Variants in TENM3 observed in about 807,000 individuals in gnomAD.
TENM3 encodes the protein teneurin transmembrane protein 3, also known as teneurin-3.
TENM3 carries 63 observed loss-of-function variants against 255.1 expected under a neutral mutation model. The observed-to-expected ratio is 0.25, with a 90% confidence interval of 0.20 to 0.30. TENM3 has a LOEUF of 0.30. TENM3 is among the 10% of genes least tolerant of loss of function. The probability of loss-of-function intolerance (pLI) is 1.00; values close to 1 mark genes in which losing one functional copy is unlikely to be tolerated. For missense variants in TENM3, 2,929 were observed against 3,461.1 expected (o/e 0.85, Z 3.86); for synonymous variants, 1,306 against 1,322.3 (o/e 0.99, Z 0.27).
intron 3 of TENM3, among the ~76,000 whole-genome samples, chr4:182,567,540 T>C (rs561490813): frequency 4.5e-4 from 68 of 152,232 alleles, no homozygotes; most frequent in African/African-American, 1.6e-3. Flanking sequence ...CTGAACCTCC[T>C]CTCCTACTTC....
At chr4:182,153,137 A>G (rs906492913) in intron 1 of TENM3, among the ~76,000 whole-genome samples, 6 of 152,032 alleles carry the variant, frequency 3.9e-5, no homozygotes, top group Non-Finnish European at 7.4e-5. Flanking sequence ...AAATATTAGT[A>G]ATCAAAACAT....
chr4:182,769,831 G>A (rs895842748), intron 22 of TENM3, among the ~76,000 whole-genome samples: 3 of 152,034 alleles, frequency 2.0e-5, no homozygotes, highest in South Asian at 2.1e-4. Flanking sequence ...TTGGCCGGGC[G>A]TGGTGGCTCA....
At position 182,793,278 on chromosome 4, in the gene TENM3, G is replaced by A. The variant is rs140050384; in HGVS notation, c.6606G>A (p.Thr2202=). ...ATGGTTTCCTACGTCAAAGGGGCACGGAAATCTTTGAATATAGCTCCAAGG... is the reference window on the plus strand; with the variant it reads ...ATGGTTTCCTACGTCAAAGGGGCACAGAAATCTTTGAATATAGCTCCAAGG... ...DEDGFLRQRG[T]EIFEYSSKGL... is the part of the protein sequence containing the mutation. The change falls in exon 26 of 28, where the codon ACG becomes ACA. Residue 2202 remains threonine, a synonymous_variant. Coordinates refer to ENST00000511685, the MANE Select transcript of TENM3 (RefSeq NM_001080477.4). This position sits in a 1 kb window ranked among gnomAD's most constrained non-coding sequence, Gnocchi z 5.7. 22 of 1,613,866 alleles carry A rather than the reference G, an allele frequency of 1.4e-5. No individual in the cohort carries two copies. The highest frequency in any genetic ancestry group is 5.3e-5 in the African/African-American group (4 of 75,018).
chr4:182,600,204 G>C (rs993422319), intron 3 of TENM3, among the ~76,000 whole-genome samples: 1 of 152,174 alleles, frequency 6.6e-6, no homozygotes, highest in Non-Finnish European at 1.5e-5. Context: ...TGCTTACTGT[G>C]AAATTGGAAA....
the TENM3 span, among the ~76,000 whole-genome samples, chr4:182,091,546 A>T: frequency 6.6e-6 from 1 of 152,196 alleles, no homozygotes; most frequent in African/African-American, 2.4e-5. Context: ...CCTGGTGCTC[A>T]AACCTTTGAG....
chr4:181,856,074 A>AGAAG, the TENM3 span, among the ~76,000 whole-genome samples: 2 of 20,890 alleles, frequency 9.6e-5, no homozygotes, highest in Non-Finnish European at 2.3e-4. Flanking sequence ...AAGGAAAGGA[A>AGAAG]GAAGGAAGGA....
chr4:182,463,947 G>A (rs1462906911), intron 3 of TENM3, among the ~76,000 whole-genome samples: 2 of 151,818 alleles, frequency 1.3e-5, no homozygotes, highest in Non-Finnish European at 2.9e-5. Flanking sequence ...TGTGTATTTT[G>A]TTATAATTTC....
chr4:182,384,084 G>A (rs889060240), intron 3 of TENM3, among the ~76,000 whole-genome samples: 6 of 152,138 alleles, frequency 3.9e-5, no homozygotes, highest in Admixed American at 6.5e-5. Flanking sequence ...TCAAGAATAC[G>A]GATAGTGTGT....
chr4:182,268,758 A>T (rs569112087), intron 1 of TENM3, among the ~76,000 whole-genome samples: 1 of 152,200 alleles, frequency 6.6e-6, no homozygotes, highest in African/African-American at 2.4e-5. Flanking sequence ...TGCCATGACA[A>T]CATCAGGAAG....
At chr4:182,416,426 A>T (rs964040004) in intron 3 of TENM3, among the ~76,000 whole-genome samples, 24 of 144,680 alleles carry the variant, frequency 1.7e-4, no homozygotes, top group Non-Finnish European at 3.0e-4. Flanking sequence ...TTGCTTTCTT[A>T]AAAAAAAAAA....
the TENM3 span, among the ~76,000 whole-genome samples, chr4:181,784,646 A>G: frequency 6.6e-6 from 1 of 152,322 alleles, no homozygotes; most frequent in Admixed American, 6.5e-5. Context: ...TCTCAAAAAA[A>G]GTGTTTTCAC....
chr4:182,712,219 G>A (rs191627874), intron 12 of TENM3, among the ~76,000 whole-genome samples: 189 of 152,144 alleles, frequency 1.2e-3, no homozygotes, highest in Non-Finnish European at 6.9e-4. Flanking sequence ...TTCAGTTATC[G>A]TAGAAATAGA....
chr4:182,754,476 A>G lies in TENM3; in HGVS notation c.4109A>G (p.Glu1370Gly). ...AATAATGTAGTTTTACAGATCACTG[A>G]AAATCGTCAAGTTCGCATTGCTGCT... ...LDNNVVLQIT[E>G]NRQVRIAAGR... Residue 1370 changes from glutamate (E) to glycine (G), a missense_variant, in exon 22 of 28, where the codon GAA becomes GGA. Around this residue, in one of 6 missense-constraint regions of TENM3, gnomAD observed 1,608 missense variants for 1,884.4 expected, o/e 0.85. Coordinates refer to ENST00000511685, the MANE Select transcript of TENM3 (RefSeq NM_001080477.4). The surrounding 1 kb of genome is among the most constrained non-coding windows in gnomAD (Gnocchi z 5.1). 1 of 1,613,204 alleles carries G rather than the reference A, an allele frequency of 6.2e-7. No individual in the cohort carries two copies. The highest frequency in any genetic ancestry group is 1.6e-4 in the Middle Eastern group (1 of 6,062).
intron 1 of TENM3, among the ~76,000 whole-genome samples, chr4:182,312,511 A>G (rs1239665046): frequency 6.6e-6 from 1 of 152,218 alleles, no homozygotes; most frequent in Admixed American, 6.5e-5. Context: ...GTGATATCAA[A>G]CTGTCTATTT....
chr4:181,568,418 C>T, the TENM3 span, among the ~76,000 whole-genome samples: 2 of 152,102 alleles, frequency 1.3e-5, no homozygotes, highest in African/African-American at 4.8e-5. Context: ...TCTGGAATTC[C>T]TGACCTCAGA....
At chr4:181,792,861 G>C in the TENM3 span, among the ~76,000 whole-genome samples, 2 of 152,048 alleles carry the variant, frequency 1.3e-5, no homozygotes, top group Non-Finnish European at 2.9e-5. Context: ...GCTTTTGTTA[G>C]GGAGATTTTC....
chr4:182,775,046 A>G lies in TENM3; in HGVS notation c.5197A>G (p.Lys1733Glu). Reference sequence around the variant, plus strand: ...TGGCACCGCTAATCCGACGGTTGCCAAAAGAAACATGACTTTGCCTGGCGA... The same window carrying G: ...TGGCACCGCTAATCCGACGGTTGCCGAAAGAAACATGACTTTGCCTGGCGA... ...LAGTANPTVA[K>E]RNMTLPGENG... Residue 1733 changes from lysine (K) to glutamate (E), a missense_variant, in exon 24 of 28, where the codon AAA becomes GAA. Lys to Glu is a moderately conservative substitution (Grantham distance 56). Coordinates refer to ENST00000511685, the MANE Select transcript of TENM3 (RefSeq NM_001080477.4). 1.2e-6 allele frequency: 2 copies of G among 1,614,032 alleles called. No homozygotes were observed. The highest frequency in any genetic ancestry group is 1.7e-6 in the Non-Finnish European group (2 of 1,179,906).
At chr4:182,061,922 A>G in the TENM3 span, among the ~76,000 whole-genome samples, 5 of 152,168 alleles carry the variant, frequency 3.3e-5, no homozygotes, top group East Asian at 7.7e-4. Context: ...GCACCCCTGC[A>G]CTCCAGCCTG....
chr4:182,475,459 G>A (rs1263561684), intron 3 of TENM3, among the ~76,000 whole-genome samples: 1 of 151,806 alleles, frequency 6.6e-6, no homozygotes, highest in East Asian at 1.9e-4. Flanking sequence ...TCAACAGAAT[G>A]ACTTGATGGA....
Sources: allele counts gnomAD v4.1 joint callset (sites outside exome capture counted in the v4.1 genomes callset), GRCh38; gene constraint gnomAD v4.1.1; regional missense constraint gnomAD v4.1.1; non-coding constraint Gnocchi (gnomAD v3.1); transcripts MANE v1.5; gene names NCBI Gene and HGNC (gene_info 2026-07-23, HGNC 2026-07-21).